PCBD2: variants seen among roughly 807,000 people sequenced by gnomAD.
PCBD2 encodes pterin-4-alpha-carbinolamine dehydratase 2.
Under a neutral mutation model 16.4 loss-of-function variants are expected in PCBD2, and 12 were observed. The ratio of observed to expected loss-of-function variants is 0.73; its 90% CI spans 0.47 to 1.19. PCBD2 has a LOEUF of 1.19. Ranked by LOEUF, PCBD2 falls within the 50% of genes most tolerant of loss-of-function variation. PCBD2 has a pLI of 0.00. For missense variants in PCBD2, 138 were observed against 156.8 expected, an observed-to-expected ratio of 0.88 and a Z score of 0.64; for synonymous variants, 58 against 61.8, an observed-to-expected ratio of 0.94 and a Z score of 0.29.
intron 2 of PCBD2, among the ~76,000 whole-genome samples, chr5:134,914,628 A>C (rs1750805653): frequency 6.6e-6 from 1 of 151,772 alleles, no homozygotes; most frequent in African/African-American, 2.4e-5. Flanking sequence ...TACAGTTGTG[A>C]TGGGGAGGTG....
At chr5:134,905,977 A>G (rs1036250894) in intron 1 of PCBD2, among the ~76,000 whole-genome samples, 12 of 151,816 alleles carry the variant, frequency 7.9e-5, no homozygotes, top group South Asian at 2.1e-4. Context: ...GGTTCACGCT[A>G]TTCTCCTGCC....
chr5:134,951,401 A>G (rs1159878550), intron 2 of PCBD2, among the ~76,000 whole-genome samples: 3 of 152,192 alleles, frequency 2.0e-5, no homozygotes, highest in African/African-American at 7.2e-5. Context: ...TAAATGTACC[A>G]TAATCTTTCT....
chr5:134,919,150 TGTTA>T (rs1472239693), intron 2 of PCBD2, among the ~76,000 whole-genome samples: 1 of 152,252 alleles, frequency 6.6e-6, no homozygotes, highest in Non-Finnish European at 1.5e-5. Flanking sequence ...CTGAGTATTT[TGTTA>T]AAGTCAAGCA....
chr5:134,942,712 T>C (rs1751244192), intron 2 of PCBD2, among the ~76,000 whole-genome samples: 1 of 152,080 alleles, frequency 6.6e-6, no homozygotes, highest in Non-Finnish European at 1.5e-5. Context: ...TATTATTAGT[T>C]TTAAATTTGA....
At chr5:134,955,849 AAG>A (rs1751409324) in intron 2 of PCBD2, among the ~76,000 whole-genome samples, 1 of 152,324 alleles carries the variant, frequency 6.6e-6, no homozygotes, top group South Asian at 2.1e-4. Flanking sequence ...AGACTGTAAA[AAG>A]AAATCTTTGA....
intron 1 of PCBD2, chr5:134,908,814 C>A (rs980080967): frequency 1.3e-5 from 2 of 151,828 alleles, no homozygotes; most frequent in African/African-American, 4.8e-5. Context: ...AAATCTTTTT[C>A]CTCTCTTAAT....
chr5:134,910,259 C>G, intron 1 of PCBD2, 76 bp from the exon 2 acceptor site: 1 of 1,481,198 alleles, frequency 6.8e-7, no homozygotes, highest in Non-Finnish European at 9.2e-7. Context: ...TACATCTCTG[C>G]TTAAGGTAAG....
At chr5:134,906,204 T>TG (rs1206199966) in intron 1 of PCBD2, among the ~76,000 whole-genome samples, 2 of 131,190 alleles carry the variant, frequency 1.5e-5, no homozygotes, top group African/African-American at 6.0e-5. Context: ...ATTTTTTTTT[T>TG]TTTTTTTTTT....
intron 2 of PCBD2, among the ~76,000 whole-genome samples, chr5:134,951,080 T>A (rs551008568): frequency 2.0e-5 from 3 of 152,344 alleles, no homozygotes; most frequent in Admixed American, 2.0e-4. Flanking sequence ...AGATCAGGTA[T>A]ACACATGGTA....
At chr5:134,942,869 C>G (rs965258161) in intron 2 of PCBD2, among the ~76,000 whole-genome samples, 4 of 152,170 alleles carry the variant, frequency 2.6e-5, no homozygotes, top group African/African-American at 7.2e-5. Context: ...TGGTCTGATG[C>G]TCTTTCCATC....
Position 134,946,232 on chromosome 5 carries a change from A to G in PCBD2, c.217-12808A>G, listed in dbSNP as rs138323434. ...CAGGTTAAGGATAAATCCTGAATATATTTGTGGTTTCCTTCAGCTCGATGT... is the reference window on the plus strand; with the variant it reads ...CAGGTTAAGGATAAATCCTGAATATGTTTGTGGTTTCCTTCAGCTCGATGT... On this transcript the variant is annotated intron_variant, in intron 2 of 3. Coordinates refer to ENST00000254908, the MANE Select transcript of PCBD2 (RefSeq NM_032151.5). Among the ~76,000 whole-genome samples the G allele has an allele frequency of 2.7e-3, 406 of 152,072 alleles. 2 individuals are homozygous for G. Among genetic ancestry groups the G allele is most frequent in the African/African-American group, 8.8e-3 (364 of 41,526 alleles).
intron 2 of PCBD2, among the ~76,000 whole-genome samples, chr5:134,951,929 C>T (rs567588945): frequency 1.3e-5 from 2 of 151,958 alleles, no homozygotes; most frequent in African/African-American, 4.8e-5. Context: ...TATTACCATA[C>T]AGAAAAAATT....
At chr5:134,907,599 A>G (rs1750712029) in intron 1 of PCBD2, among the ~76,000 whole-genome samples, 1 of 151,640 alleles carries the variant, frequency 6.6e-6, no homozygotes, top group Non-Finnish European at 1.5e-5. Flanking sequence ...CTGTCACTGG[A>G]AAACTGATGA....
At chr5:134,930,527 T>C (rs1561911083) in intron 2 of PCBD2, among the ~76,000 whole-genome samples, 1 of 152,246 alleles carries the variant, frequency 6.6e-6, no homozygotes, top group Non-Finnish European at 1.5e-5. Flanking sequence ...GAGGGTGCTC[T>C]GCATTGCCAC....
In PCBD2 at chr5:134,928,370, G is replaced by A. The variant is rs775170628; in HGVS notation, c.216+17904G>A. The A allele has an allele frequency of 3.8e-4, 142 of 372,778 alleles. 1 individual carries two copies. Among genetic ancestry groups the A allele is most frequent in the Non-Finnish European group, 6.4e-4 (132 of 207,626 alleles). 23.1% of individuals were successfully genotyped at this position (372,778 alleles called of 1,614,324 possible). On this transcript the variant is annotated intron_variant, in intron 2 of 3. Coordinates refer to ENST00000254908, the MANE Select transcript of PCBD2 (RefSeq NM_032151.5). ...ATAATTTAATGAGTCGAAATCATTC[G>A]TTTTGTTTGAACTATATACCAATTC... is the stretch of plus-strand genomic sequence containing the variant.
Position 134,951,113 on chromosome 5 carries a change from A to G in PCBD2, c.217-7927A>G, listed in dbSNP as rs533804221. Among the ~76,000 whole-genome samples the G allele has an allele frequency of 1.2e-4, 19 of 152,314 alleles. 1 individual carries two copies. In the East Asian group the frequency reaches 1.7e-3, roughly 14 times the overall value. On this transcript the variant is annotated intron_variant, in intron 2 of 3. Transcript: ENST00000254908. ...GTACGAATTCAAAAGGTACCAAAGA[A>G]TGTAGGAAGTCTTCCTGTTTGTGAT...
At chr5:134,906,835 A>G (rs893734875) in intron 1 of PCBD2, among the ~76,000 whole-genome samples, 1 of 152,220 alleles carries the variant, frequency 6.6e-6, no homozygotes, top group Non-Finnish European at 1.5e-5. Context: ...TAAAAGTAAC[A>G]AAGTTAGGCC....
At chr5:134,959,003 C>T in intron 2 of PCBD2, 37 bp from the exon 3 acceptor site, 1 of 1,535,200 alleles carries the variant, frequency 6.5e-7, no homozygotes, top group Non-Finnish European at 9.0e-7. Context: ...GGGTAGAGGA[C>T]AATGTCAGTA....
chr5:134,920,330 G>T (rs562010351), intron 2 of PCBD2, among the ~76,000 whole-genome samples: 2 of 152,270 alleles, frequency 1.3e-5, no homozygotes, highest in Admixed American at 1.3e-4. Context: ...TCACATCCCT[G>T]GTTCCCACAG....
Sources: allele counts gnomAD v4.1 joint callset (sites outside exome capture counted in the v4.1 genomes callset), GRCh38; gene constraint gnomAD v4.1.1; transcripts MANE v1.5; gene names NCBI Gene and HGNC (gene_info 2026-07-23, HGNC 2026-07-21).